The following BANK1 variants were observed in gnomAD, a reference collection of about 807,000 sequenced individuals.
BANK1 encodes B-cell scaffold protein with ankyrin repeats.
BANK1 carries 95 observed loss-of-function variants against 94.5 expected under a neutral mutation model. That is an observed-to-expected ratio of 1.00 (90% CI 0.85 to 1.19). The LOEUF (loss-of-function observed/expected upper bound fraction) is 1.19, where lower values mean the gene tolerates loss of function less well. Ranked by LOEUF, BANK1 falls within the 50% of genes most tolerant of loss-of-function variation. The pLI is 0.00. For missense variants in BANK1, 987 were observed against 932.2 expected, an observed-to-expected ratio of 1.06 and a Z score of -0.77; for synonymous variants, 334 against 308.4, an observed-to-expected ratio of 1.08 and a Z score of -0.87.
At chr4:102,071,436 T>C in intron 14 of BANK1, 132 bp downstream of exon 14, 1 of 888,758 alleles carries the variant, frequency 1.1e-6, no homozygotes, top group Non-Finnish European at 1.7e-6. Flanking sequence ...TATATTTATA[T>C]GCAAAACAAC....
intron 1 of BANK1, among the ~76,000 whole-genome samples, chr4:101,827,658 C>T (rs906065352): frequency 1.3e-5 from 2 of 151,700 alleles, no homozygotes; most frequent in Admixed American, 1.3e-4. Context: ...TTTCTGTTTA[C>T]TTTACTTTGG....
chr4:101,799,393 C>T (rs1234160129), intron 1 of BANK1, among the ~76,000 whole-genome samples: 5 of 152,130 alleles, frequency 3.3e-5, no homozygotes, highest in Admixed American at 1.3e-4. Flanking sequence ...AGTCAGGTAG[C>T]ATGATGCCTC....
At chr4:102,010,251 T>A (rs113031429) in intron 7 of BANK1, among the ~76,000 whole-genome samples, 3 of 151,622 alleles carry the variant, frequency 2.0e-5, no homozygotes, top group Non-Finnish European at 2.9e-5. Flanking sequence ...GGCGACAGAG[T>A]GAAACTCCAT....
intron 7 of BANK1, among the ~76,000 whole-genome samples, chr4:101,961,288 T>C (rs1001394847): frequency 6.6e-6 from 1 of 152,188 alleles, no homozygotes; most frequent in Non-Finnish European, 1.5e-5. Context: ...GACATCATTC[T>C]TGTGAGAAGG....
At chr4:101,890,648 A>C (rs1418731500) in intron 5 of BANK1, among the ~76,000 whole-genome samples, 1 of 149,232 alleles carries the variant, frequency 6.7e-6, no homozygotes, top group African/African-American at 2.4e-5. Context: ...TTATAAAGAG[A>C]ACATATAGTT....
At chr4:101,992,557 G>T (rs1021866033) in intron 7 of BANK1, among the ~76,000 whole-genome samples, 2 of 152,088 alleles carry the variant, frequency 1.3e-5, no homozygotes, top group African/African-American at 4.8e-5. Flanking sequence ...TGTTAGAAAA[G>T]TTCATAGAAA....
At chr4:101,942,407 G>A (rs1723783427) in intron 7 of BANK1, among the ~76,000 whole-genome samples, 1 of 151,842 alleles carries the variant, frequency 6.6e-6, no homozygotes, top group African/African-American at 2.4e-5. Flanking sequence ...GAGAGCTCTA[G>A]AGGCCCAAAG....
chr4:102,040,532 A>G (rs187618253), intron 10 of BANK1, among the ~76,000 whole-genome samples: 6 of 152,172 alleles, frequency 3.9e-5, no homozygotes, highest in African/African-American at 1.4e-4. Context: ...CAAAGTTGAC[A>G]TATATCCTAA....
intron 7 of BANK1, among the ~76,000 whole-genome samples, chr4:101,942,300 C>A (rs965636474): frequency 1.3e-5 from 2 of 151,906 alleles, no homozygotes; most frequent in South Asian, 2.1e-4. Context: ...AAGTTCTATG[C>A]CACCAGGCAG....
intron 2 of BANK1, among the ~76,000 whole-genome samples, chr4:101,852,678 C>T (rs1727534293): frequency 6.6e-6 from 1 of 151,288 alleles, no homozygotes; most frequent in Non-Finnish European, 1.5e-5. Context: ...CTGTTAAATA[C>T]TCTTTGATAG....
chr4:102,071,139 A>G (rs1458318938), intron 13 of BANK1, 136 bp from the exon 14 acceptor site: 2 of 999,430 alleles, frequency 2.0e-6, no homozygotes, highest in East Asian at 2.4e-5. Context: ...TGGGGTTGAT[A>G]TTTTTAGATC....
intron 5 of BANK1, among the ~76,000 whole-genome samples, chr4:101,878,002 T>C (rs1474948301): frequency 1.3e-5 from 2 of 151,930 alleles, no homozygotes; most frequent in Non-Finnish European, 2.9e-5. Flanking sequence ...CAGAGGAAAT[T>C]ACTTTCACTA....
intron 7 of BANK1, among the ~76,000 whole-genome samples, chr4:102,014,258 A>G (rs1726616094): frequency 6.6e-6 from 1 of 152,116 alleles, no homozygotes; most frequent in Admixed American, 6.6e-5. Context: ...CAAAATGTAC[A>G]TCTTCTCCCA....
intron 4 of BANK1, among the ~76,000 whole-genome samples, chr4:101,863,914 T>C (rs1727974120): frequency 6.6e-6 from 1 of 152,120 alleles, no homozygotes; most frequent in Admixed American, 6.6e-5. Flanking sequence ...ATTTCCCAAA[T>C]AGCAGATCAA....
chr4:101,952,009 A>T (rs1724176236), intron 7 of BANK1, among the ~76,000 whole-genome samples: 1 of 152,052 alleles, frequency 6.6e-6, no homozygotes, highest in South Asian at 2.1e-4. Context: ...TGCCTGATGG[A>T]TGATTTTAAG....
intron 2 of BANK1, among the ~76,000 whole-genome samples, chr4:101,849,715 A>C (rs1047739863): frequency 3.9e-5 from 6 of 152,154 alleles, no homozygotes; most frequent in Non-Finnish European, 5.9e-5. Flanking sequence ...AAACTATTTA[A>C]AGCTTATATA....
At chr4:102,069,249 G>GTATGT (rs1728683097) in intron 13 of BANK1, among the ~76,000 whole-genome samples, 1 of 152,194 alleles carries the variant, frequency 6.6e-6, no homozygotes, top group Non-Finnish European at 1.5e-5. Flanking sequence ...GTATGTACAA[G>GTATGT]TATGTATATT....
At chr4:101,914,777 T>C (rs1023416559) in intron 6 of BANK1, among the ~76,000 whole-genome samples, 1 of 152,152 alleles carries the variant, frequency 6.6e-6, no homozygotes, top group Admixed American at 6.6e-5. Context: ...ATATATTTTC[T>C]CCATAAGGCA....
chr4:101,955,131 T>G (rs1724295218), intron 7 of BANK1, among the ~76,000 whole-genome samples: 2 of 152,176 alleles, frequency 1.3e-5, no homozygotes. Flanking sequence ...AGATTAGCTG[T>G]TGCTCATGCG....
Sources: gnomAD v4.1 joint callset for allele counts (sites outside exome capture counted in the v4.1 genomes callset) on GRCh38, gnomAD v4.1.1 for gene constraint, MANE v1.5 for transcripts, NCBI Gene and HGNC (gene_info 2026-07-23, HGNC 2026-07-21) for gene names.